Variants in ROBO2 observed in about 807,000 individuals in gnomAD.
ROBO2 encodes the protein roundabout homolog 2.
Under a neutral mutation model 160.8 loss-of-function variants are expected in ROBO2, and 53 were observed. The ratio of observed to expected loss-of-function variants is 0.33; its 90% confidence interval spans 0.26 to 0.41. The LOEUF is 0.41. ROBO2 is among the 10% of genes least tolerant of loss of function. The pLI is 1.00. For missense variants in ROBO2, 1,577 were observed against 1,722.4 expected, an observed-to-expected ratio of 0.92 and a Z score of 1.49; for synonymous variants, 664 against 611.7, an observed-to-expected ratio of 1.09 and a Z score of -1.26.
chr3:76,401,060 T>C (rs545449315), intron 2 of ROBO2, among the ~76,000 whole-genome samples: 2 of 151,558 alleles, frequency 1.3e-5, no homozygotes, highest in East Asian at 1.9e-4. Flanking sequence ...AGATTTTGCA[T>C]TGGTCAAAAT....
intron 2 of ROBO2, among the ~76,000 whole-genome samples, chr3:76,490,561 G>A (rs571179231): frequency 6.6e-6 from 1 of 152,250 alleles, no homozygotes; most frequent in East Asian, 1.9e-4. Context: ...GAGTGCTTAC[G>A]CTTCAGGACT....
intron 2 of ROBO2, among the ~76,000 whole-genome samples, chr3:76,866,523 A>C (rs1179762112): frequency 6.6e-6 from 1 of 152,132 alleles, no homozygotes; most frequent in African/African-American, 2.4e-5. Flanking sequence ...AATTTACATT[A>C]AACTAAAATT....
At chr3:77,222,456 A>G (rs2151208206) in intron 2 of ROBO2, among the ~76,000 whole-genome samples, 1 of 152,300 alleles carries the variant, frequency 6.6e-6, no homozygotes, top group African/African-American at 2.4e-5. Context: ...AGGAGATGAA[A>G]GACTTTTTCA....
At chr3:76,323,594 A>G (rs553041936) in intron 2 of ROBO2, among the ~76,000 whole-genome samples, 132 of 152,282 alleles carry the variant, frequency 8.7e-4, no homozygotes, top group African/African-American at 3.1e-3. Context: ...CTTAGGTGGC[A>G]TGGAGAGTAT....
At chr3:76,999,586 T>C (rs548663660) in intron 2 of ROBO2, among the ~76,000 whole-genome samples, 1 of 152,264 alleles carries the variant, frequency 6.6e-6, no homozygotes, top group African/African-American at 2.4e-5. Flanking sequence ...TTCCAGCTAA[T>C]GGTATTCATT....
At chr3:76,069,123 T>G (rs2068359136) in intron 2 of ROBO2, among the ~76,000 whole-genome samples, 1 of 152,168 alleles carries the variant, frequency 6.6e-6, no homozygotes, top group South Asian at 2.1e-4. Context: ...ATCCCCAGCC[T>G]TCATTGTGCT....
intron 21 of ROBO2, among the ~76,000 whole-genome samples, chr3:77,616,564 G>A (rs1005128623): frequency 1.3e-5 from 2 of 152,050 alleles, no homozygotes; most frequent in Non-Finnish European, 2.9e-5. Flanking sequence ...GTGGGAGTGG[G>A]GGTGAAGTTT....
At chr3:76,887,899 T>G (rs73128914) in intron 2 of ROBO2, among the ~76,000 whole-genome samples, 7,803 of 152,186 alleles carry the variant, frequency 0.051, 276 homozygotes, top group South Asian at 0.15. Context: ...AAGTAAACCT[T>G]GAGCTTGGGA....
intron 2 of ROBO2, among the ~76,000 whole-genome samples, chr3:76,470,373 G>A (rs1188812926): frequency 2.0e-5 from 3 of 152,086 alleles, no homozygotes; most frequent in Non-Finnish European, 4.4e-5. Flanking sequence ...GTTCTTGCTT[G>A]GGGTCCTTTA....
chr3:76,829,001 C>T (rs923256166), intron 2 of ROBO2, among the ~76,000 whole-genome samples: 2 of 152,068 alleles, frequency 1.3e-5, no homozygotes, highest in African/African-American at 2.4e-5. Context: ...TTCTTGCCTT[C>T]TGGTCTACAT....
intron 2 of ROBO2, among the ~76,000 whole-genome samples, chr3:77,298,973 T>C (rs374679861): frequency 9.8e-5 from 15 of 152,320 alleles, no homozygotes; most frequent in African/African-American, 3.6e-4. Flanking sequence ...GGGCTATTTT[T>C]ATCTTCTAGG....
intron 2 of ROBO2, among the ~76,000 whole-genome samples, chr3:75,982,261 A>AT (rs373153230): frequency 5.8e-4 from 85 of 147,786 alleles, no homozygotes; most frequent in Middle Eastern, 6.9e-3. Flanking sequence ...TGATTTACTC[A>AT]TTTTTTTTTT....
At chr3:76,866,880 A>G (rs35359171) in intron 2 of ROBO2, among the ~76,000 whole-genome samples, 5,203 of 152,194 alleles carry the variant, frequency 0.034, 113 homozygotes, top group Non-Finnish European at 0.055. Flanking sequence ...ACTACCTCCC[A>G]GTCCCCTGGG....
chr3:77,530,174 G>A (rs979433083), intron 6 of ROBO2, among the ~76,000 whole-genome samples: 3 of 151,926 alleles, frequency 2.0e-5, no homozygotes, highest in African/African-American at 7.2e-5. Context: ...GAAAAAAACA[G>A]CTTGTAGTTC....
chr3:77,439,662 A>G (rs2153551886), intron 2 of ROBO2, among the ~76,000 whole-genome samples: 1 of 152,250 alleles, frequency 6.6e-6, no homozygotes, highest in Admixed American at 6.5e-5. Flanking sequence ...CATTAGTATT[A>G]AGGAGTACAA....
intron 2 of ROBO2, among the ~76,000 whole-genome samples, chr3:77,386,622 A>ATTTTTTTTTTTTTTTTTTTTTTTT: frequency 1.2e-4 from 1 of 8,294 alleles, no homozygotes; most frequent in African/African-American, 2.5e-4. Context: ...TTTTTTTTTG[A>ATTTTTTTTTTTTTTTTTTTTTTTT]AATAGAGCCT....
chr3:75,992,865 C>T (rs633369), intron 2 of ROBO2, among the ~76,000 whole-genome samples: 117,580 of 152,200 alleles, frequency 0.77, 46,607 homozygotes, highest in East Asian at 0.97. Flanking sequence ...AAGGAGATCA[C>T]TTTGGAGCTT....
At chr3:77,257,066 T>C (rs2058466503) in intron 2 of ROBO2, among the ~76,000 whole-genome samples, 1 of 152,188 alleles carries the variant, frequency 6.6e-6, no homozygotes, top group African/African-American at 2.4e-5. Context: ...GACGTGTGGC[T>C]TATGCAAGCT....
chr3:76,750,329 C>T (rs1459196200), intron 2 of ROBO2, among the ~76,000 whole-genome samples: 2 of 152,122 alleles, frequency 1.3e-5, no homozygotes, highest in Non-Finnish European at 2.9e-5. Flanking sequence ...GACAAACCCA[C>T]AGCCAATATC....
Sources: allele counts gnomAD v4.1 joint callset (sites outside exome capture counted in the v4.1 genomes callset), GRCh38; gene constraint gnomAD v4.1.1; transcripts MANE v1.5; gene names NCBI Gene and HGNC (gene_info 2026-07-23, HGNC 2026-07-21).